Variants in FARP2 observed in about 807,000 individuals in gnomAD.
FARP2 encodes FERM, ARHGEF and pleckstrin domain-containing protein 2.
In FARP2, 111 loss-of-function variants were observed where a neutral mutation model predicts 130.5. The observed-to-expected ratio is 0.85, with a 90% CI of 0.73 to 1.00. The LOEUF (loss-of-function observed/expected upper bound fraction) is 1.00. Among genes scored for constraint, FARP2 ranks in the 50% least tolerant of loss-of-function variants. FARP2 has a pLI of 0.00. For missense variants in FARP2, 1,385 were observed against 1,346.3 expected (o/e 1.03, Z -0.45); for synonymous variants, 504 against 516.9 (o/e 0.98, Z 0.34).
intron 2 of FARP2, 113 bp downstream of exon 2, chr2:241,373,403 C>G: frequency 1.6e-6 from 1 of 608,792 alleles, no homozygotes; most frequent in Non-Finnish European, 2.5e-6. Flanking sequence ...TCAAGAGTAG[C>G]TTTGGTAACA....
chr2:241,409,074 AGAT>A (rs1374968570), intron 5 of FARP2, among the ~76,000 whole-genome samples: 2 of 152,022 alleles, frequency 1.3e-5, no homozygotes, highest in Non-Finnish European at 2.9e-5. Context: ...ATAGATAGAT[AGAT>A]ACCTGAAAAT....
intron 18 of FARP2, among the ~76,000 whole-genome samples, chr2:241,472,392 C>A (rs1336725647): frequency 2.0e-5 from 3 of 150,260 alleles, no homozygotes; most frequent in Non-Finnish European, 4.4e-5. Flanking sequence ...GAGGGGGATC[C>A]TGTTCAGACG....
intron 1 of FARP2, among the ~76,000 whole-genome samples, chr2:241,370,789 A>C (rs1323702680): frequency 6.6e-6 from 1 of 152,204 alleles, no homozygotes; most frequent in Non-Finnish European, 1.5e-5. Flanking sequence ...ATGATGTACC[A>C]GTTCATGTTT....
intron 25 of FARP2, 98 bp from the exon 26 acceptor site, chr2:241,493,195 G>C: frequency 1.4e-6 from 2 of 1,407,396 alleles, no homozygotes; most frequent in Non-Finnish European, 2.0e-6. Context: ...TTGGCCCGTG[G>C]GCATTTGTAC....
chr2:241,470,892 G>A (rs2064288454), intron 18 of FARP2, among the ~76,000 whole-genome samples: 1 of 151,552 alleles, frequency 6.6e-6, no homozygotes, highest in Admixed American at 6.6e-5. Flanking sequence ...TGCTCTGAGA[G>A]GACCTTGTTT....
rs775782542 is a variant in FARP2 at position 241,494,055 on chromosome 2, C to T, written c.3095C>T (p.Pro1032Leu). 10 of 1,427,416 alleles carry T rather than the reference C, an allele frequency of 7.0e-6. No homozygotes were observed. The highest frequency in any genetic ancestry group is 5.8e-5 in the Admixed American group (2 of 34,748). 88.4% of individuals were successfully genotyped at this position (1,427,416 alleles called of 1,614,324 possible). A position where few individuals can be genotyped will look rare whatever the true frequency, so the allele number is the denominator to read the frequency against. ...GCCAGCAGCTCAGCCGGGAGGGCCC[C>T]AAGCATCGTGCAGGATGGCCCCCAA... ...QGASSSAGRAPSIVQDGPQPS... is the reference protein window; with the variant it reads ...QGASSSAGRALSIVQDGPQPS... The change falls in exon 27 of 27, where the codon CCA becomes CTA. Residue 1032 changes from proline (P) to leucine (L), a missense_variant. Physicochemically the swap from Pro to Leu is moderately conservative, Grantham distance 98 (BLOSUM62 -3). Coordinates refer to ENST00000264042, the MANE Select transcript of FARP2 (RefSeq NM_014808.4). This position sits in a 1 kb window ranked among gnomAD's most constrained non-coding sequence, Gnocchi z 4.9.
Position 241,487,329 on chromosome 2 carries a change from G to T in FARP2, c.2422-2633G>T, listed in dbSNP as rs958974761. On this transcript the variant is annotated intron_variant, in intron 21 of 26. Coordinates refer to ENST00000264042, the MANE Select transcript of FARP2 (RefSeq NM_014808.4). Reference sequence around the variant, plus strand: ...ACAGACACTCCTCAACTTATGATGGGGCTATGCCCTGATAAACCCATTGTA... The same window carrying T: ...ACAGACACTCCTCAACTTATGATGGTGCTATGCCCTGATAAACCCATTGTA... Among the ~76,000 whole-genome samples the T allele has an allele frequency of 4.6e-5, 7 of 152,082 alleles. No homozygotes were observed. The East Asian group carries it at 7.7e-4, about 17-fold the overall frequency.
chr2:241,409,257 A>C (rs1574762889), intron 5 of FARP2, among the ~76,000 whole-genome samples: 1 of 152,102 alleles, frequency 6.6e-6, no homozygotes, highest in Admixed American at 6.5e-5. Context: ...TTTTTTCCAA[A>C]TAAAGCTAAG....
chr2:241,370,864 C>T (rs1340805980), intron 1 of FARP2, among the ~76,000 whole-genome samples: 1 of 152,128 alleles, frequency 6.6e-6, no homozygotes, highest in African/African-American at 2.4e-5. Flanking sequence ...AGTTCCTTCC[C>T]TCAAGGAGCA....
chr2:241,412,440 A>G (rs886935083), intron 6 of FARP2, among the ~76,000 whole-genome samples: 15 of 152,044 alleles, frequency 9.9e-5, no homozygotes, highest in Admixed American at 3.3e-4. Flanking sequence ...CATGTTAGCA[A>G]CTCACTCTCA....
chr2:241,419,186 A>G (rs1203978895), intron 8 of FARP2, among the ~76,000 whole-genome samples: 2 of 152,306 alleles, frequency 1.3e-5, no homozygotes, highest in African/African-American at 4.8e-5. Context: ...CAGAAAAAAA[A>G]TTAATTTTGA....
rs2064700139 is a variant in FARP2, at chr2:241,484,309, T to A, written c.2399T>A (p.Leu800His). The change falls in exon 21 of 27, where the codon CTC becomes CAC. Residue 800 changes from leucine to histidine, a missense_variant. By Grantham distance (99) the Leu-to-His change is moderately conservative. Coordinates refer to ENST00000264042, the MANE Select transcript of FARP2 (RefSeq NM_014808.4). ...AGTSHFRIRG[L>H]LPLQGMLVEE... ...ACCAGCCACTTCCGGATCCGGGGCC[T>A]CCTTCCCCTCCAAGGCATGCTGGTG... is the stretch of plus-strand genomic sequence containing the variant. 1.2e-6 allele frequency: 2 copies of A among 1,613,940 alleles called. No individual in the cohort carries two copies. Among genetic ancestry groups the A allele is most frequent in the Admixed American group, 1.7e-5 (1 of 60,004 alleles).
chr2:241,357,145 T>C (rs2061087163), intron 1 of FARP2, among the ~76,000 whole-genome samples: 1 of 152,208 alleles, frequency 6.6e-6, no homozygotes, highest in Admixed American at 6.5e-5. Flanking sequence ...AAGGAAAGAT[T>C]GTCAATACAT....
chr2:241,417,954 T>TA lies in FARP2; in HGVS notation c.624-7dup. 6.2e-7 allele frequency: 1 copy of TA among 1,614,126 alleles called. No individual in the cohort carries two copies. The highest frequency in any genetic ancestry group is 1.1e-5 in the South Asian group (1 of 91,078). On this transcript the variant is annotated splice_region_variant and splice_polypyrimidine_tract_variant and intron_variant, in intron 7 of 26. Transcript: ENST00000264042. ...TGTAGTGTATGATTCTACCATTTTT[T>TA]ATTACAGGGGCCAGACACCTGCTGA...
At chr2:241,403,239 A>G (rs935679784) in intron 2 of FARP2, among the ~76,000 whole-genome samples, 9 of 151,642 alleles carry the variant, frequency 5.9e-5, no homozygotes, top group African/African-American at 2.2e-4. Flanking sequence ...TTTTGAGACA[A>G]AGTCTCACTC....
At chr2:241,413,039 A>G (rs1020586905) in intron 6 of FARP2, among the ~76,000 whole-genome samples, 5 of 152,188 alleles carry the variant, frequency 3.3e-5, no homozygotes, top group African/African-American at 1.2e-4. Flanking sequence ...AAATAATAAT[A>G]AACACATTAA....
Position 241,403,914 on chromosome 2 carries a change from A to G in FARP2, c.270A>G (p.Gln90=), listed in dbSNP as rs975850184. 16 of 1,609,746 alleles carry G rather than the reference A, an allele frequency of 9.9e-6. 1 individual carries two copies. The highest frequency in any genetic ancestry group is 6.7e-5 in the African/African-American group (5 of 74,854). The change falls in exon 3 of 27, where the codon CAA becomes CAG. Residue 90 remains glutamine, a synonymous_variant. Coordinates refer to ENST00000264042, the MANE Select transcript of FARP2 (RefSeq NM_014808.4). ...GTGACTACTTCGGGATGGAGTTTCA[A>G]AATACTCAGTCCTACTGGGTAAGTG... ...VECDYFGMEF[Q]NTQSYWIWLE... is the part of the protein sequence containing the mutation.
intron 12 of FARP2, among the ~76,000 whole-genome samples, chr2:241,440,905 TG>T (rs2063365474): frequency 6.6e-6 from 1 of 152,150 alleles, no homozygotes; most frequent in African/African-American, 2.4e-5. Flanking sequence ...AATCCCAGCA[TG>T]TTGGAAGGCG....
chr2:241,409,038 T>TGATTAGATAGATA (rs150148072), intron 5 of FARP2, among the ~76,000 whole-genome samples: 1 of 145,930 alleles, frequency 6.9e-6, no homozygotes, highest in Non-Finnish European at 1.5e-5. Flanking sequence ...GATAGATAGA[T>TGATTAGATAGATA]GATAGATAGA....
Sources: gnomAD v4.1 joint callset for allele counts (sites outside exome capture counted in the v4.1 genomes callset) on GRCh38, gnomAD v4.1.1 for gene constraint, Gnocchi (gnomAD v3.1) non-coding constraint, MANE v1.5 for transcripts, NCBI Gene and HGNC (gene_info 2026-07-23, HGNC 2026-07-21) for gene names.